Variants in NEK8 observed in about 807,000 individuals in gnomAD.
NEK8 encodes serine/threonine-protein kinase Nek8.
NEK8 carries 51 observed loss-of-function variants against 77.2 expected under a neutral mutation model. The observed-to-expected ratio is 0.66, with a 90% CI of 0.53 to 0.83. NEK8 has a LOEUF of 0.83. NEK8 is among the 40% of genes least tolerant of loss of function. The pLI, the probability that NEK8 is intolerant of heterozygous loss-of-function variation, is 0.00. For synonymous variants in NEK8, 365 were observed against 363.2 expected, an observed-to-expected ratio of 1.00 and a Z score of -0.06; for missense variants, 787 against 909.2, an observed-to-expected ratio of 0.87 and a Z score of 1.73.
At chr17:28,735,776 A>ATT (rs1332450349) in intron 4 of NEK8, among the ~76,000 whole-genome samples, 2 of 149,372 alleles carry the variant, frequency 1.3e-5, no homozygotes, top group African/African-American at 5.0e-5. Flanking sequence ...TTGTTTATTT[A>ATT]TTTATTTTTT....
At position 28,734,871 on chromosome 17, in the gene NEK8, A is replaced by G. The variant is rs373716841; in HGVS notation, c.353A>G (p.His118Arg). The change falls in exon 3 of 15, where the codon CAT becomes CGT. Residue 118 changes from histidine to arginine, a missense_variant. Transcript: ENST00000268766. ...GTGCAGATCCTGCTTGCACTGCATC[A>G]TGTGCACACCCACCTCATCCTGCAC... is the stretch of plus-strand genomic sequence containing the variant. ...FFVQILLALH[H>R]VHTHLILHRD... is the part of the protein sequence containing the mutation. 12 of 1,613,264 alleles carry G rather than the reference A, an allele frequency of 7.4e-6. No individual in the cohort carries two copies. Among genetic ancestry groups the G allele is most frequent in the Non-Finnish European group, 1.0e-5 (12 of 1,179,592 alleles).
intron 4 of NEK8, among the ~76,000 whole-genome samples, chr17:28,736,268 A>G (rs1383729008): frequency 6.6e-6 from 1 of 152,204 alleles, no homozygotes; most frequent in African/African-American, 2.4e-5. Flanking sequence ...AGCATGATTT[A>G]TAATCCTTTG....
Position 28,740,040 on chromosome 17 carries a change from C to G in NEK8, c.1418-423C>G, listed in dbSNP as rs2034404744. 6.6e-6 allele frequency among the ~76,000 whole-genome samples: 1 copy of G among 151,976 alleles called. No individual in the cohort carries two copies. The highest frequency in any genetic ancestry group is 6.5e-5 in the Admixed American group (1 of 15,268). On this transcript the variant is annotated intron_variant, in intron 10 of 14. Transcript: ENST00000268766. The surrounding 1 kb of genome is among the most constrained non-coding windows in gnomAD (Gnocchi z 4.7). ...GTGGCTCACGCCTGTAATCCCAGCA[C>G]TTTGGGAGGCCGAGGCAGGTGGATC...
At position 28,734,965 on chromosome 17, in the gene NEK8, C is replaced by A. The variant is rs759624858; in HGVS notation, c.447C>A (p.Gly149=). 4.3e-6 allele frequency: 7 copies of A among 1,613,156 alleles called. No individual in the cohort carries two copies. The highest frequency in any genetic ancestry group is 5.9e-6 in the Non-Finnish European group (7 of 1,179,992). The change falls in exon 3 of 15, where the codon GGC becomes GGA. Residue 149 remains glycine, a synonymous_variant. Transcript: ENST00000268766. ...TGGTCGTCAAGATCGGTGATTTCGG[C>A]ATCTCCAAGATCCTTAGCAGCAAGA... The part of the protein sequence containing the change: ...HRMVVKIGDF[G]ISKILSSKSK...
chr17:28,737,999 A>T lies in NEK8; in HGVS notation c.1070A>T (p.Glu357Val). Residue 357 changes from glutamate to valine, a missense_variant and splice_region_variant, in exon 7 of 15, where the codon GAG (glutamate) becomes GTG (valine). Around this residue, in one of 2 missense-constraint regions of NEK8, gnomAD observed 516 missense variants for 544.0 expected, o/e 0.95. Coordinates refer to ENST00000268766, the MANE Select transcript of NEK8 (RefSeq NM_178170.3). This position sits in a 1 kb window ranked among gnomAD's most constrained non-coding sequence, Gnocchi z 4.8. The stretch of plus-strand genomic sequence containing the variant: ...CGCTCTGGGCGTCTCATCCTGTGGG[A>T]GGTGAGCAGGCCAGGGGGTGGCCTG... ...VTRSGRLILW[E>V]APPLGAGGGS... 1 of 1,612,084 alleles carries T rather than the reference A, an allele frequency of 6.2e-7. No individual in the cohort carries two copies. Among genetic ancestry groups the T allele is most frequent in the Non-Finnish European group, 8.5e-7 (1 of 1,179,046 alleles).
At chr17:28,739,756 A>AT (rs1311106576) in intron 10 of NEK8, among the ~76,000 whole-genome samples, 1 of 151,708 alleles carries the variant, frequency 6.6e-6, no homozygotes, top group Non-Finnish European at 1.5e-5. Flanking sequence ...CCATCCACTA[A>AT]TTTTTTTTAT....
At chr17:28,735,394 G>C (rs2034353876) in intron 4 of NEK8, 23 bp downstream of exon 4, 1 of 1,610,386 alleles carries the variant, frequency 6.2e-7, no homozygotes, top group Non-Finnish European at 8.5e-7. Context: ...ACCCTCCAGG[G>C]GACAACTGAG....
In NEK8 at chr17:28,742,331, C is replaced by G. The variant is rs537387525; in HGVS notation, c.*344C>G. 2.4e-6 allele frequency: 1 copy of G among 408,828 alleles called. No homozygotes were observed. The highest frequency in any genetic ancestry group is 4.6e-6 in the Non-Finnish European group (1 of 215,786). 25.3% of individuals were successfully genotyped at this position (408,828 alleles called of 1,614,324 possible). ...GAAGGCAGCCGGGCGCAGTGGCTCA[C>G]GCCTGTAATCCCAGCACTTTGGGAG... On this transcript the variant is annotated 3_prime_UTR_variant, in exon 15 of 15. Coordinates refer to ENST00000268766, the MANE Select transcript of NEK8 (RefSeq NM_178170.3).
intron 3 of NEK8, 23 bp from the exon 4 acceptor site, chr17:28,735,217 T>C (rs1324469731): frequency 1.9e-6 from 3 of 1,613,972 alleles, no homozygotes; most frequent in Non-Finnish European, 8.5e-7. Context: ...TGCAGGGCTG[T>C]GATCCCAGCT....
In NEK8 at chr17:28,741,168, A is replaced by C; in HGVS notation, c.1823A>C (p.Gln608Pro). 1 of 1,613,986 alleles carries C rather than the reference A, an allele frequency of 6.2e-7. No individual in the cohort carries two copies. The highest frequency in any genetic ancestry group is 1.1e-5 in the South Asian group (1 of 91,078). ...RRGSRAPCKV[Q>P]GLEGIKMAMV... ...GGCAGTCGGGCACCCTGTAAGGTCC[A>C]AGGCCTTGAGGGCATCAAGATGGCA... is the stretch of plus-strand genomic sequence containing the variant. The change falls in exon 13 of 15, where the codon CAA becomes CCA. Residue 608 changes from glutamine (Q) to proline (P), a missense_variant. By Grantham distance (76) the Gln-to-Pro change is moderately conservative. Around this residue, in one of 2 missense-constraint regions of NEK8, gnomAD observed 516 missense variants for 544.0 expected, o/e 0.95. Transcript: ENST00000268766. The surrounding 1 kb of genome is among the most constrained non-coding windows in gnomAD (Gnocchi z 4.5).
Position 28,740,740 on chromosome 17 carries a change from C to T in NEK8, c.1569-82C>T. On this transcript the variant is annotated intron_variant, in intron 11 of 14. Coordinates refer to ENST00000268766, the MANE Select transcript of NEK8 (RefSeq NM_178170.3). The surrounding 1 kb of genome is among the most constrained non-coding windows in gnomAD (Gnocchi z 4.7). ...GGTTGAGGGTGCTATTGGTTCAACC[C>T]AGGGTGGGATCTGTCTCCTGGTGCA... The T allele has an allele frequency of 6.3e-7, 1 of 1,590,036 alleles. No homozygotes were observed. The highest frequency in any genetic ancestry group is 1.1e-5 in the South Asian group (1 of 90,518).
In NEK8 at chr17:28,733,925, G is replaced by T. The variant is rs572442707; in HGVS notation, c.48-58G>T. 1.8e-4 allele frequency: 272 copies of T among 1,485,356 alleles called. 1 individual carries two copies. The Middle Eastern group carries it at 2.2e-3, about 12-fold the overall frequency. The allele number at this position is 1,485,356 out of a possible 1,614,324, so 92.0% of individuals were successfully genotyped here. ...ATCAGTCACTAGGCTGCACCGCCCT[G>T]CCTGATATGTGGCTGGAGGCTTAGC... On this transcript the variant is annotated intron_variant, in intron 1 of 14. Transcript: ENST00000268766.
intron 1 of NEK8, among the ~76,000 whole-genome samples, 186 bp downstream of exon 1, chr17:28,729,046 C>T (rs1343880073): frequency 6.6e-6 from 1 of 152,262 alleles, no homozygotes; most frequent in East Asian, 1.9e-4. Flanking sequence ...ACGCCCCTGA[C>T]AGGCCCATTG....
rs555690853 is a variant in NEK8, at chr17:28,742,364, C to T, written c.*377C>T. ...ATCCCAGCACTTTGGGAGGCTGAGG[C>T]GGGCGGATCACGAGGTCAGGAGATC... On this transcript the variant is annotated 3_prime_UTR_variant, in exon 15 of 15. Transcript: ENST00000268766. 4.5e-5 allele frequency: 16 copies of T among 352,958 alleles called. No homozygotes were observed. Among genetic ancestry groups the T allele is most frequent in the South Asian group, 7.2e-5 (3 of 41,596 alleles). 21.9% of individuals were successfully genotyped at this position (352,958 alleles called of 1,614,324 possible).
In NEK8 at chr17:28,737,434, C is replaced by T. The variant is rs759955490; in HGVS notation, c.747C>T (p.Leu249=). Residue 249 remains leucine, a synonymous_variant, in exon 5 of 15, where the codon CTC becomes CTT. Transcript: ENST00000268766. The surrounding 1 kb of genome is among the most constrained non-coding windows in gnomAD (Gnocchi z 4.8). ...LSLEPAQRPP[L]SHIMAQPLCI... ...TGGAGCCTGCCCAGCGGCCACCACTCAGCCACATCATGGCACAGCCCCTCT... is the reference window on the plus strand; with the variant it reads ...TGGAGCCTGCCCAGCGGCCACCACTTAGCCACATCATGGCACAGCCCCTCT... 1.9e-6 allele frequency: 3 copies of T among 1,613,364 alleles called. No homozygotes were observed. The South Asian group carries it at 3.3e-5, about 18-fold the overall frequency.
rs965911942 is a variant in NEK8, at chr17:28,742,552, CAAAAAAA to C, written c.*575_*581del. ...TGGGCGACAGAACCAGACTCCGTCT[CAAAAAAA>C]AAAAAAAAACAAAAAAGGCTGAAGG... On this transcript the variant is annotated 3_prime_UTR_variant, in exon 15 of 15. Transcript: ENST00000268766. The C allele has an allele frequency of 2.1e-5, 2 of 96,786 alleles. No homozygotes were observed. Among genetic ancestry groups the C allele is most frequent in the Non-Finnish European group, 4.3e-5 (2 of 46,450 alleles). 6.0% of individuals were successfully genotyped at this position (96,786 alleles called of 1,614,324 possible).
chr17:28,741,040 C>G lies in NEK8; in HGVS notation c.1733-38C>G. On this transcript the variant is annotated intron_variant, in intron 12 of 14. Transcript: ENST00000268766. This position sits in a 1 kb window ranked among gnomAD's most constrained non-coding sequence, Gnocchi z 4.5. ...AGGGGGACTCACGGTCTCCTTGGTA[C>G]CCTGTTGAAGCACCCCTTTCCTTCC... 1 of 1,614,134 alleles carries G rather than the reference C, an allele frequency of 6.2e-7. No homozygotes were observed. Among genetic ancestry groups the G allele is most frequent in the Non-Finnish European group, 8.5e-7 (1 of 1,180,002 alleles).
intron 1 of NEK8, 122 bp downstream of exon 1, chr17:28,728,982 C>G (rs2034278663): frequency 5.5e-6 from 5 of 914,344 alleles, no homozygotes; most frequent in Admixed American, 2.1e-5. Context: ...CTGGGAAGCC[C>G]CGCCCAAGCT....
In NEK8 at chr17:28,735,273, C is replaced by T. The variant is rs762177713; in HGVS notation, c.520C>T (p.Leu174=). ...TACCCCATGCTATATCTCCCCTGAGCTGTGTGAGGGCAAGCCCTACAACCA... is the reference window on the plus strand; with the variant it reads ...TACCCCATGCTATATCTCCCCTGAGTTGTGTGAGGGCAAGCCCTACAACCA... The part of the protein sequence containing the change: ...VGTPCYISPE[L]CEGKPYNQKS... Residue 174 remains leucine, a synonymous_variant, in exon 4 of 15, where the codon CTG becomes TTG. Coordinates refer to ENST00000268766, the MANE Select transcript of NEK8 (RefSeq NM_178170.3). The T allele has an allele frequency of 6.8e-6, 11 of 1,614,104 alleles. No individual in the cohort carries two copies. The highest frequency in any genetic ancestry group is 9.3e-6 in the Non-Finnish European group (11 of 1,179,994).
Sources: gnomAD v4.1 joint callset for allele counts (sites outside exome capture counted in the v4.1 genomes callset) on GRCh38, gnomAD v4.1.1 for gene constraint, gnomAD v4.1.1 regional missense constraint, Gnocchi (gnomAD v3.1) non-coding constraint, MANE v1.5 for transcripts, NCBI Gene and HGNC (gene_info 2026-07-23, HGNC 2026-07-21) for gene names.